The following MYOM2 variants were observed in gnomAD, a reference collection of about 807,000 sequenced individuals.
MYOM2 encodes the protein myomesin-2.
A neutral mutation model predicts 187.6 loss-of-function variants in MYOM2; 254 were observed. The observed-to-expected ratio is 1.35, with a 90% CI of 1.22 to 1.50. The LOEUF (loss-of-function observed/expected upper bound fraction) is 1.50, where lower values mean the gene tolerates loss of function less well. Ranked by LOEUF, MYOM2 falls within the 40% of genes most tolerant of loss-of-function variation. The pLI, the probability that MYOM2 is intolerant of heterozygous loss-of-function variation, is 0.00. For missense variants in MYOM2, 2,796 were observed against 1,924.0 expected (o/e 1.45, Z -8.48); for synonymous variants, 981 against 753.8 (o/e 1.30, Z -4.94).
At chr8:2,064,434 G>A (rs1297716548) in intron 6 of MYOM2, among the ~76,000 whole-genome samples, 5 of 152,224 alleles carry the variant, frequency 3.3e-5, no homozygotes, top group Non-Finnish European at 7.3e-5. Flanking sequence ...CCTGCATGGA[G>A]TGGGGCCACC....
chr8:2,078,752 T>G lies in MYOM2; in HGVS notation c.1281T>G (p.Asn427Lys). The change falls in exon 12 of 37, where the codon AAT (asparagine) becomes AAG (lysine). Residue 427 changes from asparagine (N) to lysine (K), a missense_variant. Transcript: ENST00000262113. ...YFVDRCEVGT[N>K]NWVQCNDAPV... ...CTTGAAGATGTGAAGTAGGAACGAA[T>G]AATTGGGTGCAGTGCAATGATGCAC... 1 of 1,614,176 alleles carries G rather than the reference T, an allele frequency of 6.2e-7. No homozygotes were observed. Among genetic ancestry groups the G allele is most frequent in the Non-Finnish European group, 8.5e-7 (1 of 1,180,038 alleles).
chr8:2,142,726 C>G (rs1271902140), intron 35 of MYOM2, among the ~76,000 whole-genome samples: 9 of 1,006 alleles, frequency 8.9e-3, no homozygotes, highest in African/African-American at 0.014. Context: ...CCCTCCCTCC[C>G]TCCCTTCCTC....
rs3736657 is a variant in MYOM2 at position 2,140,852 on chromosome 8, C to T, written c.3930C>T (p.Asp1310=). Residue 1310 remains aspartate, a synonymous_variant, in exon 33 of 37, where the codon GAC becomes GAT. Coordinates refer to ENST00000262113, the MANE Select transcript of MYOM2 (RefSeq NM_003970.4). ...KYTFEIFDGK[D]NHQRSLDLSG... Reference sequence around the variant, plus strand: ...CTTTTGAGATTTTCGATGGCAAAGACAACCATCAACGCTCCCTTGACCTGT... The same window carrying T: ...CTTTTGAGATTTTCGATGGCAAAGATAACCATCAACGCTCCCTTGACCTGT... 3,974 of 1,613,448 alleles carry T rather than the reference C, an allele frequency of 2.5e-3. 59 individuals are homozygous for T. In the East Asian group the frequency reaches 0.035, roughly 14 times the overall value.
rs202191682 is a variant in MYOM2, at chr8:2,090,066, C to G, written c.1703C>G (p.Pro568Arg). 2.5e-6 allele frequency: 4 copies of G among 1,614,058 alleles called. No individual in the cohort carries two copies. Among genetic ancestry groups the G allele is most frequent in the Admixed American group, 1.7e-5 (1 of 60,016 alleles). Reference protein sequence around the residue: ...RVNAQTAVRSPRYAVFDLMEG... With the variant: ...RVNAQTAVRSRRYAVFDLMEG... ...AACGCCCAGACGGCTGTGAGATCCC[C>G]GAGATATGCCGTGTTTGACCTCATG... The change falls in exon 15 of 37, where the codon CCG becomes CGG. Residue 568 changes from proline to arginine, a missense_variant. Physicochemically the swap from Pro to Arg is moderately radical, Grantham distance 103. Coordinates refer to ENST00000262113, the MANE Select transcript of MYOM2 (RefSeq NM_003970.4).
At chr8:2,137,450 T>TGGG (rs1798119749) in intron 32 of MYOM2, among the ~76,000 whole-genome samples, 1 of 151,594 alleles carries the variant, frequency 6.6e-6, no homozygotes, top group South Asian at 2.1e-4. Flanking sequence ...GGAAGCAGGG[T>TGGG]GGGGCCAGGC....
At position 2,144,997 on chromosome 8, in the gene MYOM2, C is replaced by A. The variant is rs755947038; in HGVS notation, c.*16C>A. On this transcript the variant is annotated 3_prime_UTR_variant, in exon 37 of 37. Coordinates refer to ENST00000262113, the MANE Select transcript of MYOM2 (RefSeq NM_003970.4). The stretch of plus-strand genomic sequence containing the variant: ...AGGCCAGTGAAGGCGTTTTCCTAGC[C>A]TGGAGATGGGAAAATATGCTTGGCA... 3 of 1,609,978 alleles carry A rather than the reference C, an allele frequency of 1.9e-6. No individual in the cohort carries two copies. The African/African-American group carries it at 4.0e-5, about 22-fold the overall frequency.
At chr8:2,103,334 T>G (rs1022080115) in intron 21 of MYOM2, among the ~76,000 whole-genome samples, 1 of 151,822 alleles carries the variant, frequency 6.6e-6, no homozygotes, top group African/African-American at 2.4e-5. Flanking sequence ...TGTACATATA[T>G]TATGTGCATA....
intron 31 of MYOM2, among the ~76,000 whole-genome samples, chr8:2,126,615 G>C (rs1317324676): frequency 6.6e-6 from 1 of 152,046 alleles, no homozygotes; most frequent in African/African-American, 2.4e-5. Context: ...CTGGGAGGCT[G>C]GGGGAGCATT....
At chr8:2,097,267 G>C in intron 18 of MYOM2, 1 of 227,510 alleles carries the variant, frequency 4.4e-6, no homozygotes, top group Non-Finnish European at 7.3e-6. Context: ...TTTCTAGTTT[G>C]CTGTGACATT....
chr8:2,143,362 C>CGCAGATG, intron 35 of MYOM2, 39 bp from the exon 36 acceptor site: 1 of 1,613,630 alleles, frequency 6.2e-7, no homozygotes, highest in Non-Finnish European at 8.5e-7. Context: ...GGGAACGTCC[C>CGCAGATG]GCAGATGTTT....
chr8:2,078,089 T>C (rs1317025788), intron 11 of MYOM2, among the ~76,000 whole-genome samples: 1 of 152,238 alleles, frequency 6.6e-6, no homozygotes, highest in African/African-American at 2.4e-5. Flanking sequence ...ATGTGAAGGT[T>C]TTTTTCTTAC....
chr8:2,128,365 T>C (rs1471687428), intron 31 of MYOM2, among the ~76,000 whole-genome samples: 1 of 152,210 alleles, frequency 6.6e-6, no homozygotes, highest in Non-Finnish European at 1.5e-5. Context: ...TCCACAACAG[T>C]TGGTGATCAT....
At chr8:2,136,823 G>A (rs1585974894) in intron 32 of MYOM2, among the ~76,000 whole-genome samples, 1 of 152,192 alleles carries the variant, frequency 6.6e-6, no homozygotes, top group African/African-American at 2.4e-5. Context: ...TGAGTAGAAT[G>A]GATCACCACT....
At chr8:2,064,117 T>C (rs1436024986) in intron 6 of MYOM2, among the ~76,000 whole-genome samples, 3 of 152,284 alleles carry the variant, frequency 2.0e-5, no homozygotes, top group East Asian at 3.9e-4. Flanking sequence ...GCTGAGGAAG[T>C]CTCCGCGAGA....
rs184341400 is a variant in MYOM2, at chr8:2,048,839, G to A, written c.-12-1916G>A. On this transcript the variant is annotated intron_variant, in intron 1 of 36. Transcript: ENST00000262113. The stretch of plus-strand genomic sequence containing the variant: ...GAGTCTCGCTCTGTCACCCAGGCTG[G>A]AATGCAGTGGCGCGATCTCGGCTCA... Among the ~76,000 whole-genome samples, 62 of 151,004 alleles carry A rather than the reference G, an allele frequency of 4.1e-4. No homozygotes were observed. In the East Asian group the frequency reaches 7.2e-3, roughly 17 times the overall value.
Position 2,057,778 on chromosome 8 carries a change from G to C in MYOM2, c.558G>C (p.Gln186His). 1 of 1,613,910 alleles carries C rather than the reference G, an allele frequency of 6.2e-7. No homozygotes were observed. The highest frequency in any genetic ancestry group is 8.5e-7 in the Non-Finnish European group (1 of 1,179,866). Residue 186 changes from glutamine to histidine, a missense_variant and splice_region_variant, in exon 5 of 37, where the codon CAG (glutamine) becomes CAC (histidine). Coordinates refer to ENST00000262113, the MANE Select transcript of MYOM2 (RefSeq NM_003970.4). The stretch of plus-strand genomic sequence containing the variant: ...AAGGATTTCCCACGCCCGTGGTGCA[G>C]TGGTGAGGGGCTCTGTTCCCAGGGG... ...TVQGFPTPVV[Q>H]WYKDGSLICQ...
intron 10 of MYOM2, among the ~76,000 whole-genome samples, 156 bp from the exon 11 acceptor site, chr8:2,075,985 G>C (rs867423155): frequency 6.6e-6 from 1 of 152,128 alleles, no homozygotes; most frequent in Non-Finnish European, 1.5e-5. Flanking sequence ...TCACCAACCC[G>C]CCAGAGTAAG....
intron 25 of MYOM2, among the ~76,000 whole-genome samples, chr8:2,114,263 CA>C (rs1797163759): frequency 6.6e-6 from 1 of 152,196 alleles, no homozygotes; most frequent in Admixed American, 6.5e-5. Context: ...AGCAGAGAGG[CA>C]GGTAGTCCAG....
chr8:2,100,113 TTTCCTTCCTTCCTTCTTTCCTTCCTTCC>T (rs1796646165), intron 19 of MYOM2, among the ~76,000 whole-genome samples: 123 of 62,724 alleles, frequency 2.0e-3, no homozygotes, highest in African/African-American at 6.4e-3. Flanking sequence ...TCCTTCTTTC[TTTCCTTCCTTCCTTCTTTCCTTCCTTCC>T]TTCCTTCCTT....
Sources: allele counts gnomAD v4.1 joint callset (sites outside exome capture counted in the v4.1 genomes callset), GRCh38; gene constraint gnomAD v4.1.1; transcripts MANE v1.5; gene names NCBI Gene and HGNC (gene_info 2026-07-23, HGNC 2026-07-21).